Variants in SCYL2 observed in about 807,000 individuals in gnomAD.
SCYL2 encodes the protein SCY1 like pseudokinase 2.
SCYL2 carries 36 observed loss-of-function variants against 100.4 expected under a neutral mutation model. The observed-to-expected ratio is 0.36, with a 90% CI of 0.27 to 0.47. The LOEUF (loss-of-function observed/expected upper bound fraction) is 0.47, where lower values mean the gene tolerates loss of function less well. Ranked by LOEUF, SCYL2 falls within the 20% of genes least tolerant of loss-of-function variation. The pLI is 1.00. For missense variants in SCYL2, 902 were observed against 1,083.9 expected (o/e 0.83, Z 2.36); for synonymous variants, 330 against 359.2 (o/e 0.92, Z 0.92).
chr12:100,318,022 A>C, intron 10 of SCYL2, 97 bp downstream of exon 10: 2 of 1,079,714 alleles, frequency 1.9e-6, no homozygotes, highest in Non-Finnish European at 2.6e-6. Flanking sequence ...CATAAAATAC[A>C]TAACTCAATA....
At chr12:100,298,477 A>G (rs553625579) in intron 4 of SCYL2, among the ~76,000 whole-genome samples, 1 of 152,380 alleles carries the variant, frequency 6.6e-6, no homozygotes, top group East Asian at 1.9e-4. Context: ...TTCAATTGAA[A>G]TAAAGTATTT....
intron 5 of SCYL2, 33 bp downstream of exon 5, chr12:100,311,226 G>C: frequency 1.3e-6 from 2 of 1,567,532 alleles, no homozygotes; most frequent in Non-Finnish European, 1.7e-6. Flanking sequence ...AATTTTTGAG[G>C]CCAGGGAAAT....
chr12:100,277,782 C>G (rs1332189159), intron 1 of SCYL2, among the ~76,000 whole-genome samples: 1 of 151,936 alleles, frequency 6.6e-6, no homozygotes, highest in Non-Finnish European at 1.5e-5. Flanking sequence ...TTTGTTCCTT[C>G]CTCTTTTCCG....
At chr12:100,295,168 C>G (rs2096317829) in intron 3 of SCYL2, among the ~76,000 whole-genome samples, 1 of 151,762 alleles carries the variant, frequency 6.6e-6, no homozygotes, top group Non-Finnish European at 1.5e-5. Flanking sequence ...CTCCTCACTT[C>G]CTAGATGGGA....
At chr12:100,281,022 T>TTTTTG (rs1383095775) in intron 1 of SCYL2, among the ~76,000 whole-genome samples, 7 of 106,322 alleles carry the variant, frequency 6.6e-5, no homozygotes, top group Admixed American at 1.8e-4. Flanking sequence ...CATCAGTGTT[T>TTTTTG]TTTTTTTTTT....
intron 10 of SCYL2, among the ~76,000 whole-genome samples, chr12:100,321,460 C>T (rs1314982466): frequency 6.6e-6 from 1 of 152,152 alleles, no homozygotes; most frequent in Non-Finnish European, 1.5e-5. Flanking sequence ...TTCATTTTCT[C>T]ATTTAGTTCC....
chr12:100,336,585 GTACATGATGTA>G (rs1310403212), intron 16 of SCYL2, among the ~76,000 whole-genome samples: 3 of 152,002 alleles, frequency 2.0e-5, no homozygotes, highest in Non-Finnish European at 4.4e-5. Context: ...TCCAGCAGGG[GTACATGATGTA>G]TACATGACTT....
chr12:100,302,656 T>G (rs2096329306), intron 4 of SCYL2, among the ~76,000 whole-genome samples: 1 of 152,252 alleles, frequency 6.6e-6, no homozygotes, highest in African/African-American at 2.4e-5. Flanking sequence ...TCTTTGTGGG[T>G]AACCCGACCT....
At position 100,339,181 on chromosome 12, in the gene SCYL2, A is replaced by T; in HGVS notation, c.*9A>T. 1 of 1,605,164 alleles carries T rather than the reference A, an allele frequency of 6.2e-7. No homozygotes were observed. The highest frequency in any genetic ancestry group is 8.5e-7 in the Non-Finnish European group (1 of 1,176,312). On this transcript the variant is annotated 3_prime_UTR_variant, in exon 18 of 18. Transcript: ENST00000360820. The stretch of plus-strand genomic sequence containing the variant: ...AAGATCTTTTTGGGTGAGGTGTCTT[A>T]CTTCTATTTTGAAGGATTATTTCAG...
Position 100,291,525 on chromosome 12 carries a change from A to G in SCYL2, c.200A>G (p.Asp67Gly). 1.3e-6 allele frequency: 2 copies of G among 1,567,814 alleles called. No homozygotes were observed. The highest frequency in any genetic ancestry group is 1.7e-6 in the Non-Finnish European group (2 of 1,161,730). ...TKQEVAVFVF[D>G]KKLIDKYQKF... Reference sequence around the variant, plus strand: ...TAGGAAGTGGCAGTTTTTGTCTTTGATAAAAAACTGATTGACAAGTATCAA... The same window carrying G: ...TAGGAAGTGGCAGTTTTTGTCTTTGGTAAAAAACTGATTGACAAGTATCAA... The change falls in exon 3 of 18, where the codon GAT becomes GGT. Residue 67 changes from aspartate (D) to glycine (G), a missense_variant. Transcript: ENST00000360820.
chr12:100,335,284 C>T (rs1331514085), intron 14 of SCYL2, among the ~76,000 whole-genome samples: 1 of 152,020 alleles, frequency 6.6e-6, no homozygotes, highest in Non-Finnish European at 1.5e-5. Flanking sequence ...GTTAGTATCA[C>T]AGACTCAGAA....
intron 2 of SCYL2, among the ~76,000 whole-genome samples, chr12:100,289,281 T>A (rs1447022172): frequency 6.6e-6 from 1 of 152,206 alleles, no homozygotes. Flanking sequence ...GTGTTTTGCT[T>A]TGGTGTTCCG....
chr12:100,319,972 TGGTTCTGAAAACATTTGGAC>T (rs2096353769), intron 10 of SCYL2, among the ~76,000 whole-genome samples: 2 of 152,338 alleles, frequency 1.3e-5, no homozygotes, highest in South Asian at 4.1e-4. Context: ...AGGCTACAGA[TGGTTCTGAAAACATTTGGAC>T]GGGTAGAAGA....
chr12:100,325,353 C>T (rs892735432), intron 11 of SCYL2, among the ~76,000 whole-genome samples: 1 of 152,112 alleles, frequency 6.6e-6, no homozygotes, highest in African/African-American at 2.4e-5. Context: ...TTTTAAGATG[C>T]CAACTGGCCG....
At chr12:100,296,994 G>A (rs868670262) in intron 3 of SCYL2, among the ~76,000 whole-genome samples, 1 of 152,212 alleles carries the variant, frequency 6.6e-6, no homozygotes, top group Non-Finnish European at 1.5e-5. Context: ...TATTGGAACA[G>A]ATGAGACATC....
At chr12:100,330,914 C>T (rs906316600) in intron 13 of SCYL2, among the ~76,000 whole-genome samples, 2 of 151,194 alleles carry the variant, frequency 1.3e-5, no homozygotes, top group Non-Finnish European at 3.0e-5. Flanking sequence ...CTGCAACCTC[C>T]GCCTTCTTGG....
intron 4 of SCYL2, among the ~76,000 whole-genome samples, chr12:100,309,127 T>TGTGTGTGTGCGCGCGC (rs2096338556): frequency 6.6e-6 from 1 of 151,586 alleles, no homozygotes; most frequent in Non-Finnish European, 1.5e-5. Flanking sequence ...TGTGTGTGTG[T>TGTGTGTGTGCGCGCGC]GTGTGTGCGC....
intron 1 of SCYL2, among the ~76,000 whole-genome samples, chr12:100,274,642 A>G (rs775632733): frequency 3.9e-5 from 6 of 152,190 alleles, no homozygotes; most frequent in Admixed American, 3.9e-4. Context: ...ATTTTTTTAC[A>G]CCTAGGAAAA....
Position 100,339,293 on chromosome 12 carries a change from G to GA in SCYL2, c.*121_*122insA. On this transcript the variant is annotated 3_prime_UTR_variant, in exon 18 of 18. Transcript: ENST00000360820. ...TGGGAAAGTGAACAGTTCTGTGACA[G>GA]GAAACATCTCTGTCCATGCCAGCAT... The GA allele has an allele frequency of 1.0e-6, 1 of 954,160 alleles. No homozygotes were observed. Among genetic ancestry groups the GA allele is most frequent in the Non-Finnish European group, 1.5e-6 (1 of 646,764 alleles). The allele number at this position is 954,160 out of a possible 1,614,324, so 59.1% of individuals were successfully genotyped here. A position where few individuals can be genotyped will look rare whatever the true frequency, so the allele number is the denominator to read the frequency against.
Sources: gnomAD v4.1 joint callset for allele counts (sites outside exome capture counted in the v4.1 genomes callset) on GRCh38, gnomAD v4.1.1 for gene constraint, MANE v1.5 for transcripts, NCBI Gene and HGNC (gene_info 2026-07-23, HGNC 2026-07-21) for gene names.